PRR5L: variants seen among roughly 807,000 people sequenced by gnomAD.
PRR5L encodes the protein proline-rich protein 5-like.
In PRR5L, 21 loss-of-function variants were observed where a neutral mutation model predicts 36.4. That is an observed-to-expected ratio of 0.58 (90% CI 0.41 to 0.83). PRR5L has a LOEUF of 0.83. Ranked by LOEUF, PRR5L falls within the 40% of genes least tolerant of loss-of-function variation. The pLI is 0.00. For missense variants in PRR5L, 381 were observed against 473.3 expected, an observed-to-expected ratio of 0.80 and a Z score of 1.81; for synonymous variants, 188 against 197.0, an observed-to-expected ratio of 0.95 and a Z score of 0.38.
At chr11:36,428,111 G>A (rs1479496123) in intron 4 of PRR5L, among the ~76,000 whole-genome samples, 2 of 152,160 alleles carry the variant, frequency 1.3e-5, no homozygotes, top group Non-Finnish European at 1.5e-5. Flanking sequence ...TCCCTGTACC[G>A]GTGCGGAGGC....
intron 1 of PRR5L, among the ~76,000 whole-genome samples, chr11:36,302,694 C>T (rs367925310): frequency 1.1e-4 from 16 of 152,060 alleles, no homozygotes; most frequent in South Asian, 4.2e-4. Context: ...GGCTGAGGCA[C>T]GAGAATCGCT....
chr11:36,329,851 T>C (rs777329888), intron 1 of PRR5L, among the ~76,000 whole-genome samples: 3 of 152,216 alleles, frequency 2.0e-5, no homozygotes, highest in Non-Finnish European at 4.4e-5. Context: ...GCCACAAAAG[T>C]GACCTTCATT....
chr11:36,462,425 G>T lies in PRR5L; in HGVS notation c.796G>T (p.Glu266Ter), dbSNP rs1198862909. 1 of 1,591,220 alleles carries T rather than the reference G, an allele frequency of 6.3e-7. No homozygotes were observed. The highest frequency in any genetic ancestry group is 8.6e-7 in the Non-Finnish European group (1 of 1,166,878). Reference sequence around the variant, plus strand: ...AACCGCAGTCAGCCGGCCACTGAATGAGATGGTCTTGACCCCACTGACAGA... The same window carrying T: ...AACCGCAGTCAGCCGGCCACTGAATTAGATGGTCTTGACCCCACTGACAGA... ...PITAVSRPLN[E>*]MVLTPLTEQE... The change falls in exon 9 of 9, where the codon GAG becomes TAG. Residue 266 changes from glutamate (E) to a stop codon, truncating the protein, a stop_gained. Transcript: ENST00000530639. LOFTEE classifies it high-confidence loss of function.
At chr11:36,409,069 G>C (rs1857971623) in intron 3 of PRR5L, among the ~76,000 whole-genome samples, 1 of 152,192 alleles carries the variant, frequency 6.6e-6, no homozygotes, top group Non-Finnish European at 1.5e-5. Flanking sequence ...AACGCTTTTA[G>C]AGGGGTGATG....
intron 4 of PRR5L, among the ~76,000 whole-genome samples, chr11:36,430,176 G>A (rs1389780724): frequency 6.6e-6 from 1 of 152,140 alleles, no homozygotes; most frequent in Non-Finnish European, 1.5e-5. Context: ...TTGGGAGGCC[G>A]AGGTGGGCAG....
At position 36,350,998 on chromosome 11, in the gene PRR5L, A is replaced by ATATATTTATATATT. The variant is rs1554986991; in HGVS notation, c.-125-49994_-125-49993insTTATATATTTATAT. ...TATATATTTATATATTTATATATTT[A>ATATATTTATATATT]TATATATTTATATAGTTATATATTT... On this transcript the variant is annotated intron_variant, in intron 1 of 8. Coordinates refer to ENST00000530639, the MANE Select transcript of PRR5L (RefSeq NM_001160167.2). Among the ~76,000 whole-genome samples the ATATATTTATATATT allele has an allele frequency of 2.1e-4, 11 of 51,758 alleles. 1 individual carries two copies. Among genetic ancestry groups the ATATATTTATATATT allele is most frequent in the East Asian group, 3.2e-4 (1 of 3,148 alleles). 34.0% of individuals were successfully genotyped at this position (51,758 alleles called of 152,430 possible). A position where few individuals can be genotyped will look rare whatever the true frequency, so the allele number is the denominator to read the frequency against.
chr11:36,370,880 C>A lies in PRR5L; in HGVS notation c.-125-30117C>A, dbSNP rs201990283. ...TGGGCAACAGTGGGAGACTCCATCTCAAAAAAAAAAACAAACAAAAGAAAG... is the reference window on the plus strand; with the variant it reads ...TGGGCAACAGTGGGAGACTCCATCTAAAAAAAAAAAACAAACAAAAGAAAG... On this transcript the variant is annotated intron_variant, in intron 1 of 8. Transcript: ENST00000530639. Among the ~76,000 whole-genome samples the A allele has an allele frequency of 8.1e-3, 952 of 117,930 alleles. 1 individual carries two copies. Among genetic ancestry groups the A allele is most frequent in the Middle Eastern group, 0.016 (4 of 252 alleles). 77.4% of individuals were successfully genotyped at this position (117,930 alleles called of 152,430 possible). A position where few individuals can be genotyped will look rare whatever the true frequency, so the allele number is the denominator to read the frequency against.
chr11:36,462,862 C>A lies in PRR5L; in HGVS notation c.*126C>A. On this transcript the variant is annotated 3_prime_UTR_variant, in exon 9 of 9. Transcript: ENST00000530639. ...TGCCTTATTTCCTTTAGGGTACTGT[C>A]CTGGTCAAAATGACCTAAGGGGAAA... 1.1e-6 allele frequency: 1 copy of A among 933,920 alleles called. No individual in the cohort carries two copies. Among genetic ancestry groups the A allele is most frequent in the Non-Finnish European group, 1.5e-6 (1 of 659,654 alleles). 57.9% of individuals were successfully genotyped at this position (933,920 alleles called of 1,614,324 possible). A position where few individuals can be genotyped will look rare whatever the true frequency, so the allele number is the denominator to read the frequency against.
chr11:36,333,890 T>C (rs1318179389), intron 1 of PRR5L, among the ~76,000 whole-genome samples: 7 of 152,204 alleles, frequency 4.6e-5, no homozygotes, highest in African/African-American at 1.7e-4. Context: ...AAAGTGTATG[T>C]AGATTATAGC....
At position 36,401,153 on chromosome 11, in the gene PRR5L, T is replaced by C; in HGVS notation, c.32T>C (p.Val11Ala). ...CGCGGCTTCGCTCCCATTCTGCCCGTCGAGTTCCACAAGATGGGCTCCTTC... is the reference window on the plus strand; with the variant it reads ...CGCGGCTTCGCTCCCATTCTGCCCGCCGAGTTCCACAAGATGGGCTCCTTC... MTRGFAPILPVEFHKMGSFRR... is the reference protein window; with the variant it reads MTRGFAPILPAEFHKMGSFRR... The change falls in exon 2 of 9, where the codon GTC becomes GCC. Residue 11 changes from valine (V) to alanine (A), a missense_variant. Val to Ala is a moderately conservative substitution (Grantham distance 64). Coordinates refer to ENST00000530639, the MANE Select transcript of PRR5L (RefSeq NM_001160167.2). The C allele has an allele frequency of 6.2e-7, 1 of 1,614,158 alleles. No homozygotes were observed. Among genetic ancestry groups the C allele is most frequent in the Non-Finnish European group, 8.5e-7 (1 of 1,180,020 alleles).
At chr11:36,331,897 T>C (rs894893002) in intron 1 of PRR5L, among the ~76,000 whole-genome samples, 5 of 152,222 alleles carry the variant, frequency 3.3e-5, no homozygotes, top group Non-Finnish European at 7.3e-5. Flanking sequence ...TGTAGGTATA[T>C]ATATTTGGAA....
chr11:36,358,963 A>C (rs568741622), intron 1 of PRR5L, among the ~76,000 whole-genome samples: 1 of 152,324 alleles, frequency 6.6e-6, no homozygotes, highest in East Asian at 1.9e-4. Flanking sequence ...TCCCTGATAC[A>C]TCAGTGCTTG....
intron 1 of PRR5L, chr11:36,323,222 C>T (rs1856629844): frequency 6.6e-6 from 1 of 152,160 alleles, no homozygotes; most frequent in African/African-American, 2.4e-5. Context: ...AAGGATAAGG[C>T]CAAAACAAAG....
At chr11:36,415,324 G>A (rs943250580) in intron 3 of PRR5L, among the ~76,000 whole-genome samples, 20 of 152,354 alleles carry the variant, frequency 1.3e-4, no homozygotes, top group South Asian at 1.2e-3. Flanking sequence ...AGGGAATCAA[G>A]CTGGCTAAAG....
intron 1 of PRR5L, among the ~76,000 whole-genome samples, chr11:36,339,355 A>C (rs1475420669): frequency 6.6e-6 from 1 of 152,236 alleles, no homozygotes; most frequent in Non-Finnish European, 1.5e-5. Context: ...TGGCCTCCCA[A>C]AGTGCTGGGA....
chr11:36,448,128 G>C (rs1335864763), intron 7 of PRR5L, among the ~76,000 whole-genome samples: 3 of 152,068 alleles, frequency 2.0e-5, no homozygotes, highest in Admixed American at 2.0e-4. Flanking sequence ...GGAACAGGAG[G>C]GCCTGTGTCT....
chr11:36,425,030 C>T (rs1364947166), intron 4 of PRR5L, among the ~76,000 whole-genome samples: 2 of 152,176 alleles, frequency 1.3e-5, no homozygotes, highest in Non-Finnish European at 2.9e-5. Context: ...CCATATTGGT[C>T]AGGCTGGTCT....
At chr11:36,348,827 G>A (rs966393342) in intron 1 of PRR5L, among the ~76,000 whole-genome samples, 2 of 152,158 alleles carry the variant, frequency 1.3e-5, no homozygotes, top group African/African-American at 4.8e-5. Context: ...CTACTTTACT[G>A]ATGAGCAGTG....
Position 36,376,675 on chromosome 11 carries a change from G to C in PRR5L, c.-125-24322G>C. The C allele has an allele frequency of 4.0e-6, 4 of 991,616 alleles. No individual in the cohort carries two copies. In the South Asian group the frequency reaches 1.8e-4, roughly 45 times the overall value. The allele number at this position is 991,616 out of a possible 1,614,324, so 61.4% of individuals were successfully genotyped here. ...GGCGAGCGGCGGGTGTGCGCGACTCGGGGTGATTCACGCCGGGGACCCCAA... is the reference window on the plus strand; with the variant it reads ...GGCGAGCGGCGGGTGTGCGCGACTCCGGGTGATTCACGCCGGGGACCCCAA... On this transcript the variant is annotated intron_variant, in intron 1 of 8. Transcript: ENST00000530639.
Sources: gnomAD v4.1 joint callset for allele counts (sites outside exome capture counted in the v4.1 genomes callset) on GRCh38, gnomAD v4.1.1 for gene constraint, MANE v1.5 for transcripts, NCBI Gene and HGNC (gene_info 2026-07-23, HGNC 2026-07-21) for gene names.